The following GABRG3 variants were observed in gnomAD, a reference collection of about 807,000 sequenced individuals.
GABRG3 encodes gamma-aminobutyric acid receptor subunit gamma-3.
In GABRG3, 25 loss-of-function variants were observed where a neutral mutation model predicts 48.8. That is an observed-to-expected ratio of 0.51 (90% CI 0.37 to 0.72). GABRG3 has a LOEUF of 0.72. GABRG3 is among the 30% of genes least tolerant of loss of function. The probability of loss-of-function intolerance (pLI) is 0.00; values close to 1 mark genes in which losing one functional copy is unlikely to be tolerated. For synonymous variants in GABRG3, 227 were observed against 217.6 expected, an observed-to-expected ratio of 1.04 and a Z score of -0.38; for missense variants, 394 against 577.9, an observed-to-expected ratio of 0.68 and a Z score of 3.26.
chr15:27,167,486 G>C (rs1289575331), intron 3 of GABRG3, among the ~76,000 whole-genome samples: 1 of 152,200 alleles, frequency 6.6e-6, no homozygotes, highest in Non-Finnish European at 1.5e-5. Context: ...AGCACTGCCT[G>C]CATGTGGTGG....
At chr15:27,091,468 A>T (rs767803775) in intron 3 of GABRG3, among the ~76,000 whole-genome samples, 2 of 152,132 alleles carry the variant, frequency 1.3e-5, no homozygotes, top group African/African-American at 4.8e-5. Context: ...TGGCTTTGTA[A>T]TGATGACCTC....
chr15:27,276,152 G>A (rs577711712), intron 3 of GABRG3, among the ~76,000 whole-genome samples: 103 of 152,342 alleles, frequency 6.8e-4, no homozygotes, highest in African/African-American at 2.4e-3. Context: ...AGCAGGCAGG[G>A]TGGGAAGGCT....
chr15:27,109,924 G>A (rs967661595), intron 3 of GABRG3, among the ~76,000 whole-genome samples: 11 of 151,650 alleles, frequency 7.3e-5, no homozygotes, highest in African/African-American at 1.7e-4. Flanking sequence ...CTTAAAAACA[G>A]CATTTAGCTG....
At chr15:27,166,466 T>G (rs751952145) in intron 3 of GABRG3, among the ~76,000 whole-genome samples, 1 of 152,156 alleles carries the variant, frequency 6.6e-6, no homozygotes, top group Non-Finnish European at 1.5e-5. Context: ...TGTCTTCTTC[T>G]TCCAAGCTTG....
intron 3 of GABRG3, among the ~76,000 whole-genome samples, chr15:27,254,578 G>A (rs1032009870): frequency 1.3e-5 from 2 of 152,092 alleles, no homozygotes; most frequent in African/African-American, 4.8e-5. Flanking sequence ...TTCAGTGCGT[G>A]ATGAGGGCCC....
chr15:27,191,301 T>C (rs908407639), intron 3 of GABRG3, among the ~76,000 whole-genome samples: 1 of 152,172 alleles, frequency 6.6e-6, no homozygotes, highest in Non-Finnish European at 1.5e-5. Context: ...GTCTCATTGA[T>C]CTGTCTAATG....
intron 5 of GABRG3, among the ~76,000 whole-genome samples, chr15:27,332,789 T>G (rs2140522554): frequency 6.6e-6 from 1 of 152,338 alleles, no homozygotes; most frequent in South Asian, 2.1e-4. Context: ...TAGGCTGGTC[T>G]TGGCTCTCTG....
intron 7 of GABRG3, among the ~76,000 whole-genome samples, chr15:27,525,179 G>GA (rs1555389231): frequency 4.4e-4 from 45 of 101,412 alleles, no homozygotes; most frequent in Admixed American, 2.0e-3. Flanking sequence ...TGTGCTGAAT[G>GA]AAAAAAAAAC....
intron 2 of GABRG3, among the ~76,000 whole-genome samples, chr15:27,000,132 TTTGA>T (rs1188390339): frequency 6.6e-6 from 1 of 152,230 alleles, no homozygotes; most frequent in Non-Finnish European, 1.5e-5. Flanking sequence ...CTGGTTGAAT[TTTGA>T]TTGATTATTC....
intron 3 of GABRG3, among the ~76,000 whole-genome samples, chr15:27,306,105 A>G (rs1595657569): frequency 8.3e-6 from 1 of 120,590 alleles, no homozygotes. Context: ...GTTTATATAT[A>G]AACATATATA....
chr15:27,153,927 T>A (rs1898369747), intron 3 of GABRG3, among the ~76,000 whole-genome samples: 1 of 152,338 alleles, frequency 6.6e-6, no homozygotes, highest in African/African-American at 2.4e-5. Flanking sequence ...CCTTTTGACA[T>A]CACTTGTAAA....
chr15:27,360,021 A>G (rs1281409323), intron 5 of GABRG3, among the ~76,000 whole-genome samples: 1 of 152,190 alleles, frequency 6.6e-6, no homozygotes, highest in African/African-American at 2.4e-5. Context: ...ACAGAGGGAC[A>G]CTGAGCCCAG....
intron 5 of GABRG3, among the ~76,000 whole-genome samples, chr15:27,405,724 A>G (rs1269043205): frequency 2.6e-5 from 4 of 152,066 alleles, no homozygotes; most frequent in African/African-American, 9.7e-5. Context: ...TTGTGTGCTG[A>G]GAGGGTTTTG....
At chr15:27,142,780 GTT>G (rs11366858) in intron 3 of GABRG3, among the ~76,000 whole-genome samples, 4 of 147,410 alleles carry the variant, frequency 2.7e-5, no homozygotes, top group East Asian at 2.0e-4. Flanking sequence ...TGTTTGCTTG[GTT>G]TTTTTTTTTT....
At chr15:27,377,856 G>T (rs763349812) in intron 5 of GABRG3, among the ~76,000 whole-genome samples, 1 of 152,128 alleles carries the variant, frequency 6.6e-6, no homozygotes, top group Non-Finnish European at 1.5e-5. Flanking sequence ...CTGGTTTTTC[G>T]TGTCTTATTC....
rs758402530 is a variant in GABRG3, at chr15:27,536,167, T to A, written c.*3286T>A. 6.6e-6 allele frequency: 1 copy of A among 152,058 alleles called. No individual in the cohort carries two copies. Among genetic ancestry groups the A allele is most frequent in the Non-Finnish European group, 1.5e-5 (1 of 68,032 alleles). 9.4% of individuals were successfully genotyped at this position (152,058 alleles called of 1,614,324 possible). A position where few individuals can be genotyped will look rare whatever the true frequency, so the allele number is the denominator to read the frequency against. On this transcript the variant is annotated 3_prime_UTR_variant, in exon 10 of 10. Coordinates refer to ENST00000615808, the MANE Select transcript of GABRG3 (RefSeq NM_033223.5). ...TCTGTCTTTTAAGCTGCATACTGGG[T>A]GGGGGGAAAGCAAAGAAAAGGCATT...
At chr15:27,282,880 G>A (rs1891482873) in intron 3 of GABRG3, among the ~76,000 whole-genome samples, 1 of 152,080 alleles carries the variant, frequency 6.6e-6, no homozygotes, top group South Asian at 2.1e-4. Context: ...GTGCTAGGTG[G>A]ACACCCCCCC....
At chr15:27,398,659 AGC>A (rs200249135) in intron 5 of GABRG3, among the ~76,000 whole-genome samples, 3 of 150,134 alleles carry the variant, frequency 2.0e-5, no homozygotes. Flanking sequence ...GGAGATGACA[AGC>A]GCGCGCACAC....
chr15:27,063,220 G>A (rs1437576690), intron 3 of GABRG3, among the ~76,000 whole-genome samples: 1 of 152,236 alleles, frequency 6.6e-6, no homozygotes, highest in African/African-American at 2.4e-5. Flanking sequence ...TGTTATCCCT[G>A]CCTGCGCCTC....
Sources: allele counts gnomAD v4.1 joint callset (sites outside exome capture counted in the v4.1 genomes callset), GRCh38; gene constraint gnomAD v4.1.1; transcripts MANE v1.5; gene names NCBI Gene and HGNC (gene_info 2026-07-23, HGNC 2026-07-21).